The following TNKS variants were observed in gnomAD, a reference collection of about 807,000 sequenced individuals.
The protein encoded by TNKS is poly [ADP-ribose] polymerase tankyrase-1.
In TNKS, 72 loss-of-function variants were observed where a neutral mutation model predicts 135.8. The observed-to-expected ratio is 0.53, with a 90% CI of 0.44 to 0.64. The LOEUF (loss-of-function observed/expected upper bound fraction) is 0.64, where lower values mean the gene tolerates loss of function less well. Ranked by LOEUF, TNKS falls within the 30% of genes least tolerant of loss-of-function variation. TNKS has a pLI of 0.00. For missense variants in TNKS, 1,769 were observed against 1,674.0 expected (o/e 1.06, Z -0.99); for synonymous variants, 849 against 649.3 (o/e 1.31, Z -4.68).
At chr8:9,723,147 C>T (rs973996126) in intron 12 of TNKS, among the ~76,000 whole-genome samples, 2 of 104,166 alleles carry the variant, frequency 1.9e-5, no homozygotes, top group African/African-American at 6.5e-5. Flanking sequence ...ATTTTGCCCT[C>T]CAAAAGGTTT....
At chr8:9,564,126 C>G (rs543331215) in intron 1 of TNKS, among the ~76,000 whole-genome samples, 1 of 152,040 alleles carries the variant, frequency 6.6e-6, no homozygotes, top group African/African-American at 2.4e-5. Flanking sequence ...GAACCTTAAC[C>G]GGAGACATTG....
At chr8:9,707,319 G>T (rs1221026897) in intron 8 of TNKS, among the ~76,000 whole-genome samples, 1 of 152,188 alleles carries the variant, frequency 6.6e-6, no homozygotes, top group Non-Finnish European at 1.5e-5. Context: ...AAATATAGCA[G>T]TGTACAAACC....
At chr8:9,590,350 C>T (rs1798545287) in intron 2 of TNKS, among the ~76,000 whole-genome samples, 1 of 152,180 alleles carries the variant, frequency 6.6e-6, no homozygotes, top group African/African-American at 2.4e-5. Flanking sequence ...AATGTTAATT[C>T]ATCTGAGTTG....
At chr8:9,605,242 C>T (rs1211256414) in intron 2 of TNKS, among the ~76,000 whole-genome samples, 1 of 151,984 alleles carries the variant, frequency 6.6e-6, no homozygotes, top group Non-Finnish European at 1.5e-5. Context: ...GATTAATTTT[C>T]CCTTCTAGAA....
intron 5 of TNKS, among the ~76,000 whole-genome samples, chr8:9,693,478 G>C (rs189696076): frequency 6.6e-6 from 1 of 151,988 alleles, no homozygotes; most frequent in African/African-American, 2.4e-5. Flanking sequence ...AATAATAAAC[G>C]TTTATATTAT....
intron 20 of TNKS, among the ~76,000 whole-genome samples, chr8:9,756,516 A>G (rs942861196): frequency 1.3e-5 from 2 of 151,984 alleles, no homozygotes; most frequent in Non-Finnish European, 2.9e-5. Flanking sequence ...TATAATAACT[A>G]AGTCAAGGTT....
chr8:9,700,568 C>T (rs1333535851), intron 5 of TNKS, among the ~76,000 whole-genome samples: 1 of 151,744 alleles, frequency 6.6e-6, no homozygotes, highest in Non-Finnish European at 1.5e-5. Flanking sequence ...ACCCAGACCT[C>T]ACATTATTTC....
At chr8:9,630,795 A>G (rs1458332049) in intron 3 of TNKS, among the ~76,000 whole-genome samples, 2 of 152,230 alleles carry the variant, frequency 1.3e-5, no homozygotes, top group African/African-American at 2.4e-5. Context: ...ATGAAATAAC[A>G]TATCAAGAAA....
intron 22 of TNKS, among the ~76,000 whole-genome samples, chr8:9,764,451 G>C (rs926415128): frequency 6.6e-6 from 1 of 152,136 alleles, no homozygotes; most frequent in Admixed American, 6.6e-5. Context: ...AGTAATTGTA[G>C]ATGACTTAAT....
At chr8:9,632,931 A>T (rs557970048) in intron 3 of TNKS, among the ~76,000 whole-genome samples, 2 of 152,014 alleles carry the variant, frequency 1.3e-5, no homozygotes, top group African/African-American at 2.4e-5. Flanking sequence ...GGGTTTCACC[A>T]TGTTAGCCAG....
chr8:9,617,042 T>G (rs1054682143), intron 3 of TNKS, among the ~76,000 whole-genome samples: 1 of 152,218 alleles, frequency 6.6e-6, no homozygotes, highest in Admixed American at 6.5e-5. Context: ...CTCTGACGTT[T>G]CCTTCTCTCC....
chr8:9,718,238 G>C, intron 11 of TNKS, among the ~76,000 whole-genome samples: 1 of 151,786 alleles, frequency 6.6e-6, no homozygotes, highest in East Asian at 1.9e-4. Context: ...TCTAGCTAAA[G>C]AGTACAGACT....
At chr8:9,672,711 C>CACACACAA (rs1399922732) in intron 3 of TNKS, among the ~76,000 whole-genome samples, 17 of 85,234 alleles carry the variant, frequency 2.0e-4, no homozygotes, top group South Asian at 9.1e-4. Flanking sequence ...CACACACACA[C>CACACACAA]AAAAAAAAAA....
At chr8:9,586,109 T>C (rs180700451) in intron 2 of TNKS, among the ~76,000 whole-genome samples, 5 of 152,308 alleles carry the variant, frequency 3.3e-5, no homozygotes, top group African/African-American at 1.2e-4. Flanking sequence ...GGCAACTGCT[T>C]TTATTATCGT....
chr8:9,747,949 A>G, intron 17 of TNKS, 75 bp from the exon 18 acceptor site: 1 of 1,357,564 alleles, frequency 7.4e-7, no homozygotes, highest in Admixed American at 2.5e-5. Flanking sequence ...TTGTTAAATA[A>G]AAACAGGTAT....
intron 4 of TNKS, 42 bp from the exon 5 acceptor site, chr8:9,680,683 G>A (rs372326424): frequency 6.1e-5 from 86 of 1,400,870 alleles, no homozygotes; most frequent in Non-Finnish European, 8.1e-5. Context: ...TTCATAAGAA[G>A]CTTTGTAATT....
At chr8:9,608,633 C>A (rs1799327613) in intron 2 of TNKS, among the ~76,000 whole-genome samples, 2 of 152,170 alleles carry the variant, frequency 1.3e-5, no homozygotes, top group Non-Finnish European at 2.9e-5. Context: ...GGGACTCCTT[C>A]ACAGACATCT....
At chr8:9,753,818 T>C (rs1167531427) in intron 20 of TNKS, among the ~76,000 whole-genome samples, 1 of 152,222 alleles carries the variant, frequency 6.6e-6, no homozygotes, top group Non-Finnish European at 1.5e-5. Flanking sequence ...TGCCCGTAGG[T>C]ATAATTCCTT....
intron 3 of TNKS, among the ~76,000 whole-genome samples, chr8:9,627,616 A>G (rs540875385): frequency 3.3e-5 from 5 of 152,296 alleles, no homozygotes; most frequent in African/African-American, 7.2e-5. Context: ...CTCCCCACAC[A>G]TTCAGTCACA....
Sources: allele counts gnomAD v4.1 joint callset (sites outside exome capture counted in the v4.1 genomes callset), GRCh38; gene constraint gnomAD v4.1.1; transcripts MANE v1.5; gene names NCBI Gene and HGNC (gene_info 2026-07-23, HGNC 2026-07-21).